Variants in TKFC observed in about 807,000 individuals in gnomAD.
TKFC encodes triokinase and FMN cyclase.
TKFC carries 46 observed loss-of-function variants against 61.0 expected under a neutral mutation model. That is an observed-to-expected ratio of 0.75 (90% confidence interval 0.60 to 0.96). The LOEUF (loss-of-function observed/expected upper bound fraction) is 0.96. TKFC is among the 50% of genes least tolerant of loss of function. The pLI is 0.00. For missense variants in TKFC, 715 were observed against 777.5 expected, an observed-to-expected ratio of 0.92 and a Z score of 0.96; for synonymous variants, 314 against 330.1, an observed-to-expected ratio of 0.95 and a Z score of 0.53.
intron 11 of TKFC, 64 bp from the exon 12 acceptor site, chr11:61,343,792 T>C: frequency 3.2e-6 from 5 of 1,567,334 alleles, no homozygotes; most frequent in Admixed American, 1.7e-5. Flanking sequence ...GATGGGAGGG[T>C]CCAAGCCCTG....
chr11:61,337,817 C>T, intron 2 of TKFC, 124 bp from the exon 3 acceptor site: 1 of 878,072 alleles, frequency 1.1e-6, no homozygotes, highest in Non-Finnish European at 1.7e-6. Context: ...TCAAGGAAGT[C>T]CTGTGCTCCT....
intron 11 of TKFC, 143 bp from the exon 12 acceptor site, chr11:61,343,713 C>T (rs1160110274): frequency 2.4e-6 from 3 of 1,238,740 alleles, no homozygotes; most frequent in Non-Finnish European, 3.4e-6. Context: ...AGTAGGCACT[C>T]AGTCCATGCT....
chr11:61,334,610 A>C lies in TKFC; in HGVS notation c.-109-10A>C. 2 of 1,346,672 alleles carry C rather than the reference A, an allele frequency of 1.5e-6. No individual in the cohort carries two copies. The highest frequency in any genetic ancestry group is 2.1e-6 in the Non-Finnish European group (2 of 950,410). 83.4% of individuals were successfully genotyped at this position (1,346,672 alleles called of 1,614,324 possible). Reference sequence around the variant, plus strand: ...CCTTCCGCAGCTTGTATCGTTACCCACTCCTGCAGGTGCTGCTGCTGCCTC... The same window carrying C: ...CCTTCCGCAGCTTGTATCGTTACCCCCTCCTGCAGGTGCTGCTGCTGCCTC... On this transcript the variant is annotated splice_polypyrimidine_tract_variant and intron_variant, in intron 1 of 17. Transcript: ENST00000394900.
chr11:61,342,318 G>C, intron 7 of TKFC, 143 bp from the exon 8 acceptor site: 1 of 1,038,738 alleles, frequency 9.6e-7, no homozygotes, highest in South Asian at 1.3e-5. Context: ...AACAGAGATC[G>C]TGTTTTTCAT....
At position 61,342,577 on chromosome 11, in the gene TKFC, GCAA is replaced by G; in HGVS notation, c.696_698del (p.Thr233del). 1 of 1,613,874 alleles carries G rather than the reference GCAA, an allele frequency of 6.2e-7. No homozygotes were observed. The highest frequency in any genetic ancestry group is 8.5e-7 in the Non-Finnish European group (1 of 1,180,044). On this transcript the variant is annotated inframe_deletion, in exon 9 of 18. Coordinates refer to ENST00000394900, the MANE Select transcript of TKFC (RefSeq NM_015533.4). ...CATTCCTGGCTCCCTCTGACAGATG[GCAA>G]CCGCCGATGAGATTGTGAAACTCAT...
chr11:61,350,606 T>C, downstream of TKFC: 1 of 699,518 alleles, frequency 1.4e-6, no homozygotes, highest in Admixed American at 2.8e-5. Flanking sequence ...CATCAAGACC[T>C]GCTCTGAGCA....
Position 61,347,600 on chromosome 11 carries a change from G to A in TKFC, c.*1097G>A, listed in dbSNP as rs145377962. The A allele has an allele frequency of 9.1e-6, 9 of 984,962 alleles. No individual in the cohort carries two copies. The East Asian group carries it at 1.0e-3, about 112-fold the overall frequency. 61.0% of individuals were successfully genotyped at this position (984,962 alleles called of 1,614,324 possible). On this transcript the variant is annotated 3_prime_UTR_variant, in exon 18 of 18. Transcript: ENST00000394900. ...GCCAGCCCCTAGGTCTCTTTCTAGA[G>A]CGATCACTGATGGCACCAGGGTGAG...
chr11:61,348,039 T>C lies in TKFC; in HGVS notation c.*1536T>C. ...TTTGGCTGCAGGCTCCCCGAGTGCC[T>C]GGGCTTCTCTACCCAGGGTCCTGTC... On this transcript the variant is annotated 3_prime_UTR_variant, in exon 18 of 18. Coordinates refer to ENST00000394900, the MANE Select transcript of TKFC (RefSeq NM_015533.4). 12 of 985,446 alleles carry C rather than the reference T, an allele frequency of 1.2e-5. No homozygotes were observed. Among genetic ancestry groups the C allele is most frequent in the Non-Finnish European group, 1.4e-5 (12 of 829,980 alleles). The allele number at this position is 985,446 out of a possible 1,614,324, so 61.0% of individuals were successfully genotyped here. A position where few individuals can be genotyped will look rare whatever the true frequency, so the allele number is the denominator to read the frequency against.
intron 11 of TKFC, 142 bp from the exon 12 acceptor site, chr11:61,343,714 A>C: frequency 5.6e-6 from 7 of 1,258,588 alleles, no homozygotes; most frequent in Non-Finnish European, 7.7e-6. Flanking sequence ...GTAGGCACTC[A>C]GTCCATGCTT....
chr11:61,342,357 C>T (rs1000205947), intron 7 of TKFC, 104 bp from the exon 8 acceptor site: 30 of 1,454,974 alleles, frequency 2.1e-5, no homozygotes, highest in Middle Eastern at 2.3e-4. Flanking sequence ...CCCCCACTCC[C>T]GCCCACTTAC....
chr11:61,344,359 CT>C (rs56214441), intron 13 of TKFC, 86 bp downstream of exon 13: 210,586 of 1,045,232 alleles, frequency 0.2, 850 homozygotes, highest in South Asian at 0.22. Context: ...AGGGACCTTC[CT>C]TTTTTTTTTT....
intron 2 of TKFC, chr11:61,335,253 AC>A: frequency 6.3e-6 from 1 of 158,822 alleles, no homozygotes; most frequent in East Asian, 1.8e-4. Flanking sequence ...ATGACCTTTT[AC>A]AGACCTCTCT....
In TKFC at chr11:61,345,267, G is replaced by A. The variant is rs1857065215; in HGVS notation, c.1248G>A (p.Gln416=). 6.4e-7 allele frequency: 1 copy of A among 1,570,872 alleles called. No individual in the cohort carries two copies. Among genetic ancestry groups the A allele is most frequent in the Non-Finnish European group, 8.6e-7 (1 of 1,156,098 alleles). The part of the protein sequence containing the change: ...TTHSRAARAI[Q]EWLKEGPPPA... ...ATCTCTCTCTGCCTGCAGCAATCCA[G>A]GAGTGGCTGAAGGAGGGCCCACCCC... The change falls in exon 14 of 18, where the codon CAG becomes CAA. Residue 416 remains glutamine, a synonymous_variant. Transcript: ENST00000394900.
chr11:61,337,102 G>C (rs1856640524), intron 2 of TKFC, among the ~76,000 whole-genome samples: 1 of 152,170 alleles, frequency 6.6e-6, no homozygotes. Context: ...ACACATGGCT[G>C]TGACCTCTGC....
chr11:61,349,921 G>C (rs753846074), downstream of TKFC: 1 of 500,926 alleles, frequency 2.0e-6, no homozygotes, highest in African/African-American at 1.9e-5. Context: ...GTTTCACACC[G>C]TGGACTGCAC....
At position 61,346,081 on chromosome 11, in the gene TKFC, T is replaced by A. The variant is rs1306665571; in HGVS notation, c.1575+135T>A. On this transcript the variant is annotated intron_variant, in intron 17 of 17. Transcript: ENST00000394900. The surrounding 1 kb of genome is among the most constrained non-coding windows in gnomAD (Gnocchi z 4.1). ...TCTCTGTACAATGGAGATGAGCACCTATCTCAGAAGGTGGTTATGTGGCTA... is the reference window on the plus strand; with the variant it reads ...TCTCTGTACAATGGAGATGAGCACCAATCTCAGAAGGTGGTTATGTGGCTA... The A allele has an allele frequency of 8.8e-7, 1 of 1,131,900 alleles. No individual in the cohort carries two copies. Among genetic ancestry groups the A allele is most frequent in the Non-Finnish European group, 1.2e-6 (1 of 809,780 alleles). 70.1% of individuals were successfully genotyped at this position (1,131,900 alleles called of 1,614,324 possible). A position where few individuals can be genotyped will look rare whatever the true frequency, so the allele number is the denominator to read the frequency against.
At chr11:61,350,517 G>T, downstream of TKFC, 1 of 1,505,552 alleles carries the variant, frequency 6.6e-7, no homozygotes, top group Admixed American at 2.0e-5. Flanking sequence ...CTGCAGGGTG[G>T]TCCCCATCCA....
rs1857115234 is a variant in TKFC, at chr11:61,346,152, C to G, written c.1576-199C>G. On this transcript the variant is annotated intron_variant, in intron 17 of 17. Transcript: ENST00000394900. This position sits in a 1 kb window ranked among gnomAD's most constrained non-coding sequence, Gnocchi z 4.1. ...CACACTGCCTGGGATGTGACAGGGC[C>G]TCAGTGAATGGTGACCCTTTTCCCT... 9.8e-6 allele frequency: 13 copies of G among 1,328,630 alleles called. No individual in the cohort carries two copies. Among genetic ancestry groups the G allele is most frequent in the Non-Finnish European group, 1.2e-5 (12 of 990,548 alleles). 82.3% of individuals were successfully genotyped at this position (1,328,630 alleles called of 1,614,324 possible).
chr11:61,345,273 G>A lies in TKFC; in HGVS notation c.1254G>A (p.Trp418Ter). ...CTCTGCCTGCAGCAATCCAGGAGTG[G>A]CTGAAGGAGGGCCCACCCCCTGCCA... ...HSRAARAIQE[W>*]LKEGPPPASP... Residue 418 changes from tryptophan (W) to a stop codon, truncating the protein, a stop_gained, in exon 14 of 18, where the codon TGG becomes TGA. Transcript: ENST00000394900. LOFTEE classifies it high-confidence loss of function. The A allele has an allele frequency of 1.9e-6, 3 of 1,576,830 alleles. No homozygotes were observed. Among genetic ancestry groups the A allele is most frequent in the East Asian group, 2.2e-5 (1 of 44,460 alleles).
Sources: gnomAD v4.1 joint callset for allele counts (sites outside exome capture counted in the v4.1 genomes callset) on GRCh38, gnomAD v4.1.1 for gene constraint, Gnocchi (gnomAD v3.1) non-coding constraint, MANE v1.5 for transcripts, NCBI Gene and HGNC (gene_info 2026-07-23, HGNC 2026-07-21) for gene names.